TENM3: variants seen among roughly 807,000 people sequenced by gnomAD.
TENM3 encodes teneurin transmembrane protein 3, also known as teneurin-3.
A neutral mutation model predicts 255.1 loss-of-function variants in TENM3; 63 were observed. The ratio of observed to expected loss-of-function variants is 0.25; its 90% CI spans 0.20 to 0.30. The LOEUF (loss-of-function observed/expected upper bound fraction) is 0.30. Among genes scored for constraint, TENM3 ranks in the 10% least tolerant of loss-of-function variants. The pLI is 1.00. For synonymous variants in TENM3, 1,306 were observed against 1,322.3 expected, an observed-to-expected ratio of 0.99 and a Z score of 0.27; for missense variants, 2,929 against 3,461.1, an observed-to-expected ratio of 0.85 and a Z score of 3.86.
At chr4:181,591,788 C>T in the TENM3 span, among the ~76,000 whole-genome samples, 1 of 152,214 alleles carries the variant, frequency 6.6e-6, no homozygotes, top group African/African-American at 2.4e-5. Context: ...CCACCACCCC[C>T]TACTCCTGTC....
the TENM3 span, among the ~76,000 whole-genome samples, chr4:181,604,694 G>T: frequency 1.3e-5 from 2 of 152,186 alleles, no homozygotes; most frequent in African/African-American, 4.8e-5. Context: ...TAAACAGAAA[G>T]GTAAGAATGC....
intron 1 of TENM3, among the ~76,000 whole-genome samples, chr4:182,207,599 A>C (rs1004398826): frequency 1.3e-5 from 2 of 152,186 alleles, no homozygotes; most frequent in Non-Finnish European, 2.9e-5. Context: ...AGTAACTTAC[A>C]CATCACTTAG....
At chr4:182,371,570 A>C (rs1048689521) in intron 3 of TENM3, among the ~76,000 whole-genome samples, 1 of 152,010 alleles carries the variant, frequency 6.6e-6, no homozygotes, top group Non-Finnish European at 1.5e-5. Flanking sequence ...CCAGCTTTGG[A>C]TTTCTCTAGA....
intron 3 of TENM3, among the ~76,000 whole-genome samples, chr4:182,433,853 T>C (rs4862064): frequency 0.49 from 74,441 of 151,750 alleles, 18,581 homozygotes; most frequent in South Asian, 0.6. Context: ...TGATGGCTCA[T>C]GCCTGTAATC....
chr4:181,794,424 A>C, the TENM3 span, among the ~76,000 whole-genome samples: 2 of 152,104 alleles, frequency 1.3e-5, no homozygotes, highest in African/African-American at 2.4e-5. Flanking sequence ...ACTTTGCACA[A>C]TTTGACCAAC....
At chr4:182,419,261 A>T (rs1182792353) in intron 3 of TENM3, among the ~76,000 whole-genome samples, 1 of 152,228 alleles carries the variant, frequency 6.6e-6, no homozygotes, top group Non-Finnish European at 1.5e-5. Context: ...CAACAGACAC[A>T]TGAAAAAATG....
intron 13 of TENM3, among the ~76,000 whole-genome samples, chr4:182,715,170 A>G (rs1222044852): frequency 3.3e-5 from 5 of 152,208 alleles, no homozygotes; most frequent in Non-Finnish European, 7.4e-5. Context: ...GGCGTGAGCC[A>G]CCGCACCCAG....
At chr4:182,351,313 A>C (rs1354510195) in intron 3 of TENM3, among the ~76,000 whole-genome samples, 1 of 152,210 alleles carries the variant, frequency 6.6e-6, no homozygotes, top group Admixed American at 6.5e-5. Context: ...TTAATAAATA[A>C]ATAAAATGTT....
the TENM3 span, among the ~76,000 whole-genome samples, chr4:181,487,750 C>T: frequency 6.6e-6 from 1 of 152,032 alleles, no homozygotes; most frequent in Admixed American, 6.5e-5. Flanking sequence ...ATTGAAGGCA[C>T]AGGGTCCAGA....
At chr4:181,513,024 T>C in the TENM3 span, among the ~76,000 whole-genome samples, 1 of 152,244 alleles carries the variant, frequency 6.6e-6, no homozygotes, top group Non-Finnish European at 1.5e-5. Context: ...ATTAAATCTC[T>C]ATTATATAGA....
chr4:181,775,033 G>A, the TENM3 span, among the ~76,000 whole-genome samples: 1 of 152,122 alleles, frequency 6.6e-6, no homozygotes, highest in African/African-American at 2.4e-5. Context: ...GGCATCTACT[G>A]TGTGCTAAAA....
At chr4:182,060,494 G>C in the TENM3 span, among the ~76,000 whole-genome samples, 1 of 151,964 alleles carries the variant, frequency 6.6e-6, no homozygotes, top group Non-Finnish European at 1.5e-5. Flanking sequence ...CCGCTGATCC[G>C]ACAGGAGGCA....
At chr4:181,791,506 T>G in the TENM3 span, among the ~76,000 whole-genome samples, 5 of 152,350 alleles carry the variant, frequency 3.3e-5, no homozygotes, top group Non-Finnish European at 5.9e-5. Context: ...TTGTGCTTTC[T>G]GGACATTTTG....
the TENM3 span, among the ~76,000 whole-genome samples, chr4:182,061,725 G>A: frequency 7.9e-5 from 12 of 152,260 alleles, no homozygotes; most frequent in African/African-American, 2.4e-4. Flanking sequence ...TTGGGAGACC[G>A]AGATGGGAGG....
At chr4:181,613,777 A>G in the TENM3 span, among the ~76,000 whole-genome samples, 1 of 152,216 alleles carries the variant, frequency 6.6e-6, no homozygotes. Flanking sequence ...GAGGTCCATA[A>G]GACCAAACCT....
intron 3 of TENM3, among the ~76,000 whole-genome samples, chr4:182,590,473 A>G (rs868136707): frequency 6.6e-6 from 1 of 151,386 alleles, no homozygotes. Context: ...ACCTGTGTCT[A>G]CAAACAATAC....
chr4:182,554,202 T>C (rs1174681758), intron 3 of TENM3, among the ~76,000 whole-genome samples: 1 of 152,224 alleles, frequency 6.6e-6, no homozygotes, highest in Non-Finnish European at 1.5e-5. Flanking sequence ...ATCCTTCATC[T>C]GATTAATCTT....
chr4:181,950,618 A>G, the TENM3 span, among the ~76,000 whole-genome samples: 1 of 152,214 alleles, frequency 6.6e-6, no homozygotes, highest in Non-Finnish European at 1.5e-5. Flanking sequence ...CACAGTGGAC[A>G]CTCAACAAAT....
At chr4:182,503,607 A>G (rs1265123683) in intron 3 of TENM3, among the ~76,000 whole-genome samples, 1 of 152,148 alleles carries the variant, frequency 6.6e-6, no homozygotes, top group Non-Finnish European at 1.5e-5. Flanking sequence ...AGGTCCACAC[A>G]TCTCATTTCA....
Sources: gnomAD v4.1 joint callset for allele counts (sites outside exome capture counted in the v4.1 genomes callset) on GRCh38, gnomAD v4.1.1 for gene constraint, MANE v1.5 for transcripts, NCBI Gene and HGNC (gene_info 2026-07-23, HGNC 2026-07-21) for gene names.